The following MECOM variants were observed in gnomAD, a reference collection of about 807,000 sequenced individuals.
The protein encoded by MECOM is histone-lysine N-methyltransferase MECOM.
In MECOM, 13 loss-of-function variants were observed where a neutral mutation model predicts 116.3. The observed-to-expected ratio is 0.11, with a 90% confidence interval of 0.07 to 0.18. The LOEUF is 0.18. Ranked by LOEUF, MECOM falls within the 10% of genes least tolerant of loss-of-function variation. MECOM has a pLI of 1.00. For missense variants in MECOM, 1,299 were observed against 1,509.0 expected, an observed-to-expected ratio of 0.86 and a Z score of 2.31; for synonymous variants, 528 against 535.2, an observed-to-expected ratio of 0.99 and a Z score of 0.19.
At chr3:169,091,846 ATAAT>A (rs34251423) in intron 14 of MECOM, among the ~76,000 whole-genome samples, 38,874 of 151,782 alleles carry the variant, frequency 0.26, 5,127 homozygotes, top group Non-Finnish European at 0.29. Context: ...ATTACATAAA[ATAAT>A]TAATTTTGAC....
intron 1 of MECOM, among the ~76,000 whole-genome samples, chr3:169,446,965 G>A (rs1744740308): frequency 6.6e-6 from 1 of 152,140 alleles, no homozygotes; most frequent in Admixed American, 6.5e-5. Flanking sequence ...TGAATTTTCA[G>A]TTATTTTTTT....
chr3:169,574,841 C>A (rs1051535573), intron 1 of MECOM, among the ~76,000 whole-genome samples: 9 of 149,710 alleles, frequency 6.0e-5, no homozygotes, highest in Non-Finnish European at 1.2e-4. Context: ...AAAAAAAAAA[C>A]TTTTCAATTC....
At chr3:169,183,652 G>T (rs1443598575) in intron 2 of MECOM, among the ~76,000 whole-genome samples, 1 of 151,804 alleles carries the variant, frequency 6.6e-6, no homozygotes, top group African/African-American at 2.4e-5. Flanking sequence ...ATAAGCTGGG[G>T]TAGAAATATA....
chr3:169,350,518 GC>G (rs913570105), intron 2 of MECOM, among the ~76,000 whole-genome samples: 2 of 151,884 alleles, frequency 1.3e-5, no homozygotes, highest in Non-Finnish European at 2.9e-5. Context: ...GCTACTAAGT[GC>G]TTGAAATGTG....
chr3:169,398,416 A>G (rs1047707231), intron 1 of MECOM, among the ~76,000 whole-genome samples: 1 of 152,202 alleles, frequency 6.6e-6, no homozygotes, highest in Non-Finnish European at 1.5e-5. Flanking sequence ...TTCATGGATG[A>G]GTACTAAATT....
chr3:169,518,035 T>G (rs1377978437), intron 1 of MECOM, among the ~76,000 whole-genome samples: 1 of 152,074 alleles, frequency 6.6e-6, no homozygotes, highest in Non-Finnish European at 1.5e-5. Flanking sequence ...CAAGGCGGGC[T>G]GATCACAAGG....
intron 1 of MECOM, among the ~76,000 whole-genome samples, chr3:169,494,355 G>GT (rs1438116939): frequency 1.3e-5 from 2 of 152,040 alleles, no homozygotes; most frequent in Non-Finnish European, 2.9e-5. Context: ...TCCCAAGGGC[G>GT]TAAGGCAGCC....
intron 1 of MECOM, chr3:169,484,137 T>G (rs1751797209): frequency 2.7e-6 from 2 of 728,636 alleles, no homozygotes; most frequent in East Asian, 2.7e-5. Context: ...AAGTGATTCT[T>G]TTTATCTCAC....
At chr3:169,358,252 T>C (rs1032118904) in intron 2 of MECOM, among the ~76,000 whole-genome samples, 2 of 151,762 alleles carry the variant, frequency 1.3e-5, no homozygotes, top group Admixed American at 6.6e-5. Flanking sequence ...CAGCTGTTTA[T>C]TATTTTTACA....
chr3:169,554,111 T>C (rs975341467), intron 1 of MECOM, among the ~76,000 whole-genome samples: 1 of 152,180 alleles, frequency 6.6e-6, no homozygotes, highest in East Asian at 1.9e-4. Flanking sequence ...TGCCACTTCC[T>C]GGCCAGCTCC....
At chr3:169,150,094 T>C (rs1740959533) in intron 2 of MECOM, among the ~76,000 whole-genome samples, 1 of 152,050 alleles carries the variant, frequency 6.6e-6, no homozygotes, top group Non-Finnish European at 1.5e-5. Flanking sequence ...CATCTCACTT[T>C]TTCTTCACAC....
chr3:169,111,147 G>A lies in MECOM; in HGVS notation c.2577+1640C>T, dbSNP rs115429646. ...CAAAGTGGATAGAAACCTTACACCC[G>A]ACTCTCTCATTTTTCAAACAGGAAA... On this transcript the variant is annotated intron_variant, in intron 9 of 16. Coordinates refer to ENST00000651503, the MANE Select transcript of MECOM (RefSeq NM_004991.4). 4.0e-3 allele frequency among the ~76,000 whole-genome samples: 611 copies of A among 152,078 alleles called. 3 individuals carry two copies. Among genetic ancestry groups the A allele is most frequent in the South Asian group, 0.017 (81 of 4,812 alleles).
At chr3:169,520,652 T>C (rs1757228756) in intron 1 of MECOM, among the ~76,000 whole-genome samples, 1 of 152,230 alleles carries the variant, frequency 6.6e-6, no homozygotes, top group African/African-American at 2.4e-5. Flanking sequence ...GATTATCTCA[T>C]TTCTCATTTT....
chr3:169,142,565 T>C (rs909963636), intron 3 of MECOM, among the ~76,000 whole-genome samples: 1 of 151,990 alleles, frequency 6.6e-6, no homozygotes, highest in African/African-American at 2.4e-5. Context: ...TGTTTTCTTA[T>C]AGCAAGGAGA....
chr3:169,111,455 A>C (rs1293187836), intron 9 of MECOM, among the ~76,000 whole-genome samples: 1 of 152,166 alleles, frequency 6.6e-6, no homozygotes, highest in Non-Finnish European at 1.5e-5. Context: ...CTGACACAAA[A>C]TATGTGCTAC....
intron 2 of MECOM, among the ~76,000 whole-genome samples, chr3:169,338,278 C>T (rs962022119): frequency 4.6e-5 from 7 of 152,134 alleles, no homozygotes; most frequent in African/African-American, 1.7e-4. Flanking sequence ...AAGAAGTTTC[C>T]CCGGATGCCT....
intron 9 of MECOM, among the ~76,000 whole-genome samples, chr3:169,108,917 G>C (rs1032065444): frequency 6.6e-6 from 1 of 152,120 alleles, no homozygotes; most frequent in Non-Finnish European, 1.5e-5. Context: ...AAGTAAAAGA[G>C]AGTCTGTTGC....
At chr3:169,112,203 T>C (rs912523643) in intron 9 of MECOM, among the ~76,000 whole-genome samples, 48 of 152,166 alleles carry the variant, frequency 3.2e-4, no homozygotes, top group African/African-American at 1.1e-3. Flanking sequence ...CTGCTTTGCA[T>C]TTTCCTTGCA....
intron 1 of MECOM, among the ~76,000 whole-genome samples, chr3:169,602,440 A>G (rs1767942116): frequency 6.6e-6 from 1 of 152,150 alleles, no homozygotes; most frequent in Non-Finnish European, 1.5e-5. Context: ...TGACTCCTTT[A>G]TCCACCAATA....
Sources: allele counts gnomAD v4.1 joint callset (sites outside exome capture counted in the v4.1 genomes callset), GRCh38; gene constraint gnomAD v4.1.1; transcripts MANE v1.5; gene names NCBI Gene and HGNC (gene_info 2026-07-23, HGNC 2026-07-21).